MGST3: variants seen among roughly 807,000 people sequenced by gnomAD.
The protein encoded by MGST3 is glutathione S-transferase 3, mitochondrial.
Under a neutral mutation model 15.8 loss-of-function variants are expected in MGST3, and 13 were observed. That is an observed-to-expected ratio of 0.82 (90% confidence interval 0.54 to 1.31). MGST3 has a LOEUF of 1.31. Ranked by LOEUF, MGST3 falls within the 50% of genes most tolerant of loss-of-function variation. The pLI is 0.00. For missense variants in MGST3, 155 were observed against 192.4 expected (o/e 0.81, Z 1.15); for synonymous variants, 49 against 68.1 (o/e 0.72, Z 1.38).
intron 1 of MGST3, among the ~76,000 whole-genome samples, chr1:165,641,848 T>A (rs1227181915): frequency 6.6e-6 from 1 of 152,202 alleles, no homozygotes; most frequent in Non-Finnish European, 1.5e-5. Flanking sequence ...AGTAAAAACA[T>A]TTAGGATCTC....
At chr1:165,642,865 G>A (rs1049740639) in intron 1 of MGST3, among the ~76,000 whole-genome samples, 1 of 152,228 alleles carries the variant, frequency 6.6e-6, no homozygotes, top group African/African-American at 2.4e-5. Flanking sequence ...CTCGTGAACT[G>A]CACTTAGCAG....
intron 1 of MGST3, chr1:165,646,277 A>G (rs893131842): frequency 6.6e-6 from 1 of 152,354 alleles, no homozygotes; most frequent in African/African-American, 2.4e-5. Flanking sequence ...ACCCGCACAC[A>G]CAAAAGTCAC....
At chr1:165,635,903 TATG>T (rs761806512) in intron 1 of MGST3, 13 of 152,332 alleles carry the variant, frequency 8.5e-5, no homozygotes, top group African/African-American at 1.7e-4. Context: ...GGATAAATAA[TATG>T]ATTTCTATTC....
rs887601027 is a variant in MGST3, at chr1:165,644,072, T to G, written c.-7-5769T>G. Among the ~76,000 whole-genome samples, 15 of 134,142 alleles carry G rather than the reference T, an allele frequency of 1.1e-4. No individual in the cohort carries two copies. In the South Asian group the frequency reaches 3.3e-3, roughly 30 times the overall value. The allele number at this position is 134,142 out of a possible 152,430, so 88.0% of individuals were successfully genotyped here. On this transcript the variant is annotated intron_variant, in intron 1 of 5. Coordinates refer to ENST00000367889, the MANE Select transcript of MGST3 (RefSeq NM_004528.4). ...CTGTGTTAAAAAAAAAAAAAAAAAATTACCTATTGCCAGGCTGTCCTCTAG... is the reference window on the plus strand; with the variant it reads ...CTGTGTTAAAAAAAAAAAAAAAAAAGTACCTATTGCCAGGCTGTCCTCTAG...
intron 1 of MGST3, among the ~76,000 whole-genome samples, chr1:165,637,531 C>A (rs1648145122): frequency 6.6e-6 from 1 of 152,128 alleles, no homozygotes; most frequent in Non-Finnish European, 1.5e-5. Context: ...GTGAAGGAGA[C>A]CTTTACCCCA....
rs9333431 is a variant in MGST3, at chr1:165,641,892, T to A, written c.-7-7949T>A. Among the ~76,000 whole-genome samples the A allele has an allele frequency of 9.8e-3, 1,494 of 152,260 alleles. 52 individuals are homozygous for A. The highest frequency in any genetic ancestry group is 0.059 in the Admixed American group (900 of 15,278). ...AATAAGTGACAAAAACTTTCTAATTTAAAAAAATAGATAATTCAAATTTCT... is the reference window on the plus strand; with the variant it reads ...AATAAGTGACAAAAACTTTCTAATTAAAAAAAATAGATAATTCAAATTTCT... On this transcript the variant is annotated intron_variant, in intron 1 of 5. Transcript: ENST00000367889.
At chr1:165,644,960 C>G (rs1402858167) in intron 1 of MGST3, among the ~76,000 whole-genome samples, 1 of 152,064 alleles carries the variant, frequency 6.6e-6, no homozygotes, top group Non-Finnish European at 1.5e-5. Flanking sequence ...AGGGTTTCAC[C>G]ATGTTGGCCA....
intron 4 of MGST3, chr1:165,653,917 G>C (rs1648629674): frequency 2.9e-6 from 1 of 339,470 alleles, no homozygotes; most frequent in South Asian, 2.5e-5. Flanking sequence ...TCCTGACTTT[G>C]GGGCAGTTCT....
intron 1 of MGST3, among the ~76,000 whole-genome samples, chr1:165,648,269 C>T (rs1356459873): frequency 6.6e-6 from 1 of 152,222 alleles, no homozygotes; most frequent in Non-Finnish European, 1.5e-5. Context: ...GGGCAGCGGG[C>T]ATGCCTCAGA....
At chr1:165,655,178 T>C (rs1313307807) in intron 5 of MGST3, among the ~76,000 whole-genome samples, 190 bp from the exon 6 acceptor site, 1 of 152,234 alleles carries the variant, frequency 6.6e-6, no homozygotes, top group African/African-American at 2.4e-5. Flanking sequence ...CAAGCAATAC[T>C]ACTGTGGCAC....
Position 165,654,007 on chromosome 1 carries a change from G to A in MGST3, c.250-272G>A, listed in dbSNP as rs1648632922. ...GACACAAGTTCCCCAAGATGCCCAG[G>A]GCAAGTGGGGGGATTCCTTCTATCC... On this transcript the variant is annotated intron_variant, in intron 4 of 5. Coordinates refer to ENST00000367889, the MANE Select transcript of MGST3 (RefSeq NM_004528.4). The A allele has an allele frequency of 6.7e-6, 3 of 446,230 alleles. No individual in the cohort carries two copies. In the East Asian group the frequency reaches 1.4e-4, roughly 21 times the overall value. 27.6% of individuals were successfully genotyped at this position (446,230 alleles called of 1,614,324 possible). A position where few individuals can be genotyped will look rare whatever the true frequency, so the allele number is the denominator to read the frequency against.
At chr1:165,653,424 C>G (rs977809381) in intron 4 of MGST3, among the ~76,000 whole-genome samples, 1 of 152,184 alleles carries the variant, frequency 6.6e-6, no homozygotes, top group Non-Finnish European at 1.5e-5. Context: ...GCTGCTATAT[C>G]GTGACTTGAG....
intron 2 of MGST3, chr1:165,650,736 A>G: frequency 2.2e-6 from 1 of 450,736 alleles, no homozygotes; most frequent in South Asian, 2.1e-5. Context: ...CTTAACGTCA[A>G]TGAAAAGCAC....
intron 3 of MGST3, chr1:165,651,368 G>A: frequency 2.1e-6 from 1 of 483,010 alleles, no homozygotes; most frequent in South Asian, 2.0e-5. Context: ...CTAAACCGAT[G>A]TTGACTCTCC....
At position 165,638,795 on chromosome 1, in the gene MGST3, A is replaced by C. The variant is rs997373020; in HGVS notation, c.-8+7502A>C. The stretch of plus-strand genomic sequence containing the variant: ...GTGGGACAGAGAGAGACTCCGTCTT[A>C]AAAAAAAAAAAAAACCCACATTCTA... On this transcript the variant is annotated intron_variant, in intron 1 of 5. Transcript: ENST00000367889. Among the ~76,000 whole-genome samples the C allele has an allele frequency of 2.0e-4, 29 of 143,150 alleles. 2 individuals carry two copies. The highest frequency in any genetic ancestry group is 5.1e-4 in the African/African-American group (20 of 39,438). The allele number at this position is 143,150 out of a possible 152,430, so 93.9% of individuals were successfully genotyped here. A position where few individuals can be genotyped will look rare whatever the true frequency, so the allele number is the denominator to read the frequency against.
chr1:165,646,376 T>G (rs1176608762), intron 1 of MGST3: 1 of 152,210 alleles, frequency 6.6e-6, no homozygotes, highest in Non-Finnish European at 1.5e-5. Flanking sequence ...GAATGTTGAT[T>G]TAATTAAGCT....
intron 1 of MGST3, among the ~76,000 whole-genome samples, chr1:165,634,077 A>C (rs1006821583): frequency 2.7e-5 from 4 of 147,758 alleles, no homozygotes; most frequent in Non-Finnish European, 5.9e-5. Context: ...GGCTTTAGTC[A>C]GTGGCAAAAT....
At chr1:165,647,479 C>T (rs1191374024) in intron 1 of MGST3, 1 of 152,180 alleles carries the variant, frequency 6.6e-6, no homozygotes, top group African/African-American at 2.4e-5. Flanking sequence ...CTGGTCTTAG[C>T]TCTGCCCTCA....
chr1:165,655,707 A>G lies in MGST3; in HGVS notation c.*203A>G. The G allele has an allele frequency of 1.6e-6, 1 of 625,110 alleles. No individual in the cohort carries two copies. The highest frequency in any genetic ancestry group is 2.7e-6 in the Non-Finnish European group (1 of 365,672). The allele number at this position is 625,110 out of a possible 1,614,324, so 38.7% of individuals were successfully genotyped here. On this transcript the variant is annotated 3_prime_UTR_variant, in exon 6 of 6. Transcript: ENST00000367889. ...ACTAGATGAGAAAGGAGCCACAAGT[A>G]TTGTGCCCTCTCCTCACCCTTCCAG...
Sources: gnomAD v4.1 joint callset for allele counts (sites outside exome capture counted in the v4.1 genomes callset) on GRCh38, gnomAD v4.1.1 for gene constraint, MANE v1.5 for transcripts, NCBI Gene and HGNC (gene_info 2026-07-23, HGNC 2026-07-21) for gene names.